SPPL3: variants seen among roughly 807,000 people sequenced by gnomAD.
The protein encoded by SPPL3 is signal peptide peptidase-like 3.
SPPL3 carries 5 observed loss-of-function variants against 42.4 expected under a neutral mutation model. The ratio of observed to expected loss-of-function variants is 0.12; its 90% CI spans 0.06 to 0.25. SPPL3 has a LOEUF of 0.25. SPPL3 is among the 10% of genes least tolerant of loss of function. SPPL3 has a pLI of 1.00. For missense variants in SPPL3, 235 were observed against 489.0 expected (o/e 0.48, Z 4.90); for synonymous variants, 195 against 181.8 (o/e 1.07, Z -0.58).
At chr12:120,798,900 C>T (rs919193962) in intron 2 of SPPL3, among the ~76,000 whole-genome samples, 4 of 152,138 alleles carry the variant, frequency 2.6e-5, no homozygotes, top group South Asian at 2.1e-4. Flanking sequence ...ACAGCTGCTA[C>T]GGAGCCTCTC....
At chr12:120,851,001 T>TAA (rs1461418315) in intron 1 of SPPL3, among the ~76,000 whole-genome samples, 124 of 152,294 alleles carry the variant, frequency 8.1e-4, no homozygotes, top group African/African-American at 2.9e-3. Context: ...AAAGTCTCCT[T>TAA]TCCTATATTC....
chr12:120,871,002 C>A (rs1461462309), intron 1 of SPPL3, among the ~76,000 whole-genome samples: 1 of 151,528 alleles, frequency 6.6e-6, no homozygotes, highest in South Asian at 2.1e-4. Flanking sequence ...TGGCGCCAGG[C>A]ACCTATAGTC....
chr12:120,844,385 C>G (rs963995685), intron 1 of SPPL3, among the ~76,000 whole-genome samples: 2 of 152,172 alleles, frequency 1.3e-5, no homozygotes, highest in African/African-American at 4.8e-5. Context: ...TTCGCTCAAC[C>G]CACACACAAC....
intron 6 of SPPL3, among the ~76,000 whole-genome samples, chr12:120,772,629 T>C (rs1479842376): frequency 6.6e-6 from 1 of 152,150 alleles, no homozygotes; most frequent in Non-Finnish European, 1.5e-5. Context: ...ATAGAACTGG[T>C]GGTAAATTGT....
chr12:120,768,863 C>T (rs2136967025), intron 7 of SPPL3, 90 bp downstream of exon 7: 1 of 1,160,744 alleles, frequency 8.6e-7, no homozygotes, highest in Non-Finnish European at 1.2e-6. Context: ...GCAAGCCCGA[C>T]TTTGGATACT....
intron 6 of SPPL3, among the ~76,000 whole-genome samples, chr12:120,770,705 C>T (rs548489446): frequency 6.6e-6 from 1 of 152,342 alleles, no homozygotes; most frequent in East Asian, 1.9e-4. Flanking sequence ...ATTCCCAGAA[C>T]TCCACGGGCC....
chr12:120,766,312 T>C lies in SPPL3; in HGVS notation c.1034A>G (p.Tyr345Cys), dbSNP rs1848909995. ...IHRAAQPALL[Y>C]LVPFTLLPLL... ...TGGCAATAAAGTAAATGGCACCAAATAGAGAAGGGCGGGCTGGGCGGCCCG... is the reference window on the plus strand; with the variant it reads ...TGGCAATAAAGTAAATGGCACCAAACAGAGAAGGGCGGGCTGGGCGGCCCG... Residue 345 changes from tyrosine (Y) to cysteine (C), a missense_variant, in exon 10 of 11, where the codon TAT (tyrosine) becomes TGT (cysteine). Physicochemically the swap from Tyr to Cys is radical, Grantham distance 194 (BLOSUM62 -2). Coordinates refer to ENST00000353487, the MANE Select transcript of SPPL3 (RefSeq NM_139015.5). 1 of 1,601,092 alleles carries C rather than the reference T, an allele frequency of 6.2e-7. No individual in the cohort carries two copies. The highest frequency in any genetic ancestry group is 2.2e-5 in the East Asian group (1 of 44,452).
chr12:120,823,214 G>C (rs1871123713), intron 1 of SPPL3, among the ~76,000 whole-genome samples: 1 of 84,374 alleles, frequency 1.2e-5, no homozygotes, highest in Non-Finnish European at 3.1e-5. Context: ...GTGTGTGGGG[G>C]TGGGGGGTGG....
intron 6 of SPPL3, among the ~76,000 whole-genome samples, chr12:120,771,039 C>T (rs566880188): frequency 3.3e-5 from 5 of 152,312 alleles, no homozygotes; most frequent in South Asian, 2.1e-4. Context: ...TGGCTTAAGC[C>T]GCCATCCTCT....
chr12:120,837,258 A>G (rs1396383682), intron 1 of SPPL3, among the ~76,000 whole-genome samples: 1 of 152,230 alleles, frequency 6.6e-6, no homozygotes, highest in African/African-American at 2.4e-5. Flanking sequence ...CTCAATCACA[A>G]GCAATAATTG....
intron 2 of SPPL3, among the ~76,000 whole-genome samples, chr12:120,804,099 C>T (rs925863867): frequency 5.9e-5 from 9 of 152,042 alleles, no homozygotes; most frequent in African/African-American, 1.9e-4. Context: ...TTTGGGTATA[C>T]GTAAATGAAC....
At chr12:120,831,520 C>T (rs1324988473) in intron 1 of SPPL3, among the ~76,000 whole-genome samples, 1 of 152,180 alleles carries the variant, frequency 6.6e-6, no homozygotes, top group African/African-American at 2.4e-5. Flanking sequence ...TTTGCATGCT[C>T]ACTGTTTATG....
intron 1 of SPPL3, among the ~76,000 whole-genome samples, chr12:120,849,396 A>G (rs551722255): frequency 2.0e-5 from 3 of 152,310 alleles, no homozygotes; most frequent in Non-Finnish European, 2.9e-5. Flanking sequence ...AAGACATTCT[A>G]TTGTTTAAGT....
chr12:120,890,031 A>G (rs1019183932), intron 1 of SPPL3, among the ~76,000 whole-genome samples: 1 of 148,752 alleles, frequency 6.7e-6, no homozygotes, highest in African/African-American at 2.5e-5. Flanking sequence ...GGATCACCTG[A>G]GGTCGGGAGT....
Position 120,784,575 on chromosome 12 carries a change from G to A in SPPL3, c.209C>T (p.Ser70Phe), listed in dbSNP as rs751923057. 6.2e-7 allele frequency: 1 copy of A among 1,607,270 alleles called. No individual in the cohort carries two copies. Among genetic ancestry groups the A allele is most frequent in the East Asian group, 2.2e-5 (1 of 44,808 alleles). The change falls in exon 4 of 11, where the codon TCT (serine) becomes TTT (phenylalanine). Residue 70 changes from serine (S) to phenylalanine (F), a missense_variant. Around this residue, in one of 6 missense-constraint regions of SPPL3, gnomAD observed 110 missense variants for 186.2 expected, o/e 0.59. Transcript: ENST00000353487. ...STNNSIQTID[S>F]TQALFLPIGA... Reference sequence around the variant, plus strand: ...AATTGGAAGGAACAGAGCCTGGGTAGAGTCAATTGTTTGGATGCCTGAAAG... The same window carrying A: ...AATTGGAAGGAACAGAGCCTGGGTAAAGTCAATTGTTTGGATGCCTGAAAG...
chr12:120,851,118 T>C (rs1298995786), intron 1 of SPPL3, among the ~76,000 whole-genome samples: 1 of 152,196 alleles, frequency 6.6e-6, no homozygotes, highest in East Asian at 1.9e-4. Context: ...CTACAGTATC[T>C]CGTTTAGATA....
intron 1 of SPPL3, among the ~76,000 whole-genome samples, chr12:120,903,081 C>A (rs190779259): frequency 3.3e-5 from 5 of 152,314 alleles, no homozygotes; most frequent in Non-Finnish European, 5.9e-5. Flanking sequence ...ACTTAACTTG[C>A]AGGTCCTCCA....
At chr12:120,805,340 T>A (rs1238390103) in intron 2 of SPPL3, among the ~76,000 whole-genome samples, 1 of 152,214 alleles carries the variant, frequency 6.6e-6, no homozygotes, top group East Asian at 1.9e-4. Context: ...TACCCATTCA[T>A]GATAAAACTC....
At chr12:120,811,605 A>C (rs2137002038) in intron 1 of SPPL3, among the ~76,000 whole-genome samples, 2 of 152,294 alleles carry the variant, frequency 1.3e-5, no homozygotes, top group South Asian at 4.1e-4. Context: ...ATTGTTTTAA[A>C]GGCTGTCTCC....
Sources: allele counts gnomAD v4.1 joint callset (sites outside exome capture counted in the v4.1 genomes callset), GRCh38; gene constraint gnomAD v4.1.1; regional missense constraint gnomAD v4.1.1; transcripts MANE v1.5; gene names NCBI Gene and HGNC (gene_info 2026-07-23, HGNC 2026-07-21).